CSMD1: variants seen among roughly 807,000 people sequenced by gnomAD.
CSMD1 encodes the protein CUB and Sushi multiple domains 1.
CSMD1 carries 213 observed loss-of-function variants against 417.5 expected under a neutral mutation model. That is an observed-to-expected ratio of 0.51 (90% CI 0.46 to 0.57). The LOEUF (loss-of-function observed/expected upper bound fraction) is 0.57, where lower values mean the gene tolerates loss of function less well. CSMD1 is among the 20% of genes least tolerant of loss of function. The pLI is 0.00. For missense variants in CSMD1, 6,923 were observed against 4,529.7 expected (o/e 1.53, Z -15.17); for synonymous variants, 2,862 against 1,736.8 (o/e 1.65, Z -16.11).
chr8:3,928,412 G>A lies in CSMD1; in HGVS notation c.818+69491C>T, dbSNP rs547583442. On this transcript the variant is annotated intron_variant, in intron 5 of 69. Transcript: ENST00000635120. The stretch of plus-strand genomic sequence containing the variant: ...AGGTAGCAGTGAAATATCAGCACAA[G>A]CAATGAGTCCTAACTTTTCAAAAAC... 2.0e-5 allele frequency among the ~76,000 whole-genome samples: 3 copies of A among 152,266 alleles called. No homozygotes were observed. In the South Asian group the frequency reaches 6.2e-4, roughly 32 times the overall value.
chr8:3,487,557 A>G (rs902248918), intron 11 of CSMD1, among the ~76,000 whole-genome samples: 1 of 152,216 alleles, frequency 6.6e-6, no homozygotes, highest in Non-Finnish European at 1.5e-5. Context: ...CGATACATCT[A>G]GTCACAAGGA....
intron 5 of CSMD1, among the ~76,000 whole-genome samples, chr8:3,784,339 G>C (rs1328427919): frequency 6.6e-6 from 1 of 152,112 alleles, no homozygotes; most frequent in Non-Finnish European, 1.5e-5. Context: ...AAAATTAAAA[G>C]TTGTTCTATT....
chr8:4,677,754 C>T (rs1805786043), intron 1 of CSMD1, among the ~76,000 whole-genome samples: 1 of 152,008 alleles, frequency 6.6e-6, no homozygotes, highest in South Asian at 2.1e-4. Context: ...TCATCAAATA[C>T]TTGTGAGCAA....
intron 2 of CSMD1, among the ~76,000 whole-genome samples, chr8:4,602,093 C>T (rs1446318487): frequency 6.6e-6 from 1 of 152,160 alleles, no homozygotes; most frequent in South Asian, 2.1e-4. Context: ...TACCAATTGC[C>T]TTTATTGAGA....
chr8:3,471,772 A>T (rs1312850835), intron 11 of CSMD1, among the ~76,000 whole-genome samples: 2 of 151,790 alleles, frequency 1.3e-5, no homozygotes, highest in Non-Finnish European at 2.9e-5. Context: ...AAAGAAAAAT[A>T]TGTATCTTAA....
At chr8:4,184,703 G>A (rs1402218079) in intron 3 of CSMD1, among the ~76,000 whole-genome samples, 1 of 152,166 alleles carries the variant, frequency 6.6e-6, no homozygotes, top group East Asian at 1.9e-4. Context: ...AGGTTGGAAG[G>A]TGGGAGGAGG....
intron 12 of CSMD1, among the ~76,000 whole-genome samples, chr8:3,425,523 G>C (rs1000816016): frequency 6.6e-6 from 1 of 150,780 alleles, no homozygotes; most frequent in South Asian, 2.1e-4. Flanking sequence ...AGGAGGTGGA[G>C]GTTGCAGTGA....
At chr8:4,236,035 GTTTGTTTTTTTTTTTTTTTTTTT>G (rs1563316584) in intron 3 of CSMD1, among the ~76,000 whole-genome samples, 42 of 112,614 alleles carry the variant, frequency 3.7e-4, no homozygotes, top group South Asian at 1.7e-3. Context: ...TGTTTTTTTT[GTTTGTTTTTTTTTTTTTTTTTTT>G]TTTTTTTTTT....
At chr8:4,337,629 G>A (rs1384201521) in intron 3 of CSMD1, among the ~76,000 whole-genome samples, 1 of 152,166 alleles carries the variant, frequency 6.6e-6, no homozygotes, top group Non-Finnish European at 1.5e-5. Flanking sequence ...CAAGTGTCAT[G>A]CTGAACTATT....
chr8:3,957,134 C>T (rs1812005795), intron 5 of CSMD1, among the ~76,000 whole-genome samples: 1 of 116,618 alleles, frequency 8.6e-6, no homozygotes, highest in Non-Finnish European at 1.9e-5. Flanking sequence ...AATGCCCTGC[C>T]TCTTTCTCCC....
At chr8:4,727,569 G>C (rs1252819009) in intron 1 of CSMD1, among the ~76,000 whole-genome samples, 1 of 152,124 alleles carries the variant, frequency 6.6e-6, no homozygotes, top group Non-Finnish European at 1.5e-5. Context: ...CCACTATGCA[G>C]ATTTATTTTC....
intron 12 of CSMD1, among the ~76,000 whole-genome samples, chr8:3,414,630 G>T (rs1484999559): frequency 6.6e-6 from 1 of 152,090 alleles, no homozygotes; most frequent in Non-Finnish European, 1.5e-5. Context: ...GACCAACTTT[G>T]TTCTTAGTCC....
intron 28 of CSMD1, 100 bp from the exon 29 acceptor site, chr8:3,219,542 TATA>T: frequency 1.1e-6 from 1 of 871,078 alleles, no homozygotes; most frequent in East Asian, 3.0e-5. Flanking sequence ...TTTGCTTTTG[TATA>T]ATGATTTTTC....
intron 5 of CSMD1, among the ~76,000 whole-genome samples, chr8:3,976,204 A>T (rs987763472): frequency 6.6e-6 from 1 of 152,148 alleles, no homozygotes. Flanking sequence ...TTAAAATGAC[A>T]TATGTACTGG....
At chr8:3,002,799 C>G (rs989944952) in intron 52 of CSMD1, among the ~76,000 whole-genome samples, 4 of 152,188 alleles carry the variant, frequency 2.6e-5, no homozygotes, top group African/African-American at 7.2e-5. Context: ...AGCCTGACAG[C>G]CATGACTGTA....
At chr8:3,495,148 G>A (rs973712679) in intron 10 of CSMD1, among the ~76,000 whole-genome samples, 1 of 152,334 alleles carries the variant, frequency 6.6e-6, no homozygotes, top group Non-Finnish European at 1.5e-5. Flanking sequence ...GTTGATAGCT[G>A]TTGCAAACCA....
At chr8:3,986,810 C>T (rs1814358714) in intron 5 of CSMD1, among the ~76,000 whole-genome samples, 1 of 152,014 alleles carries the variant, frequency 6.6e-6, no homozygotes, top group African/African-American at 2.4e-5. Context: ...GGCTGGAATG[C>T]AGTGATGCGA....
intron 23 of CSMD1, among the ~76,000 whole-genome samples, chr8:3,332,528 C>G (rs983612614): frequency 6.6e-6 from 1 of 152,226 alleles, no homozygotes; most frequent in Admixed American, 6.5e-5. Context: ...AATGTCACCG[C>G]TGAAACCTGT....
At chr8:4,410,498 G>C (rs772679840) in intron 3 of CSMD1, among the ~76,000 whole-genome samples, 2 of 152,174 alleles carry the variant, frequency 1.3e-5, no homozygotes, top group East Asian at 3.9e-4. Flanking sequence ...CTGATTTCTA[G>C]TTACTGTATA....
Sources: gnomAD v4.1 joint callset for allele counts (sites outside exome capture counted in the v4.1 genomes callset) on GRCh38, gnomAD v4.1.1 for gene constraint, MANE v1.5 for transcripts, NCBI Gene and HGNC (gene_info 2026-07-23, HGNC 2026-07-21) for gene names.